The following PCSK5 variants were observed in gnomAD, a reference collection of about 807,000 sequenced individuals.
The protein encoded by PCSK5 is proprotein convertase subtilisin/kexin type 5.
A neutral mutation model predicts 233.2 loss-of-function variants in PCSK5; 129 were observed. That is an observed-to-expected ratio of 0.55 (90% CI 0.48 to 0.64). The LOEUF (loss-of-function observed/expected upper bound fraction) is 0.64, where lower values mean the gene tolerates loss of function less well. Among genes scored for constraint, PCSK5 ranks in the 30% least tolerant of loss-of-function variants. The pLI, the probability that PCSK5 is intolerant of heterozygous loss-of-function variation, is 0.00. For missense variants in PCSK5, 2,076 were observed against 2,430.1 expected (o/e 0.85, Z 3.06); for synonymous variants, 825 against 879.2 (o/e 0.94, Z 1.09).
chr9:76,060,184 C>T (rs543114363), intron 5 of PCSK5, among the ~76,000 whole-genome samples: 37 of 152,172 alleles, frequency 2.4e-4, no homozygotes, highest in Non-Finnish European at 5.1e-4. Flanking sequence ...ATGTTGACTC[C>T]ATTCCATGCA....
rs34398269 is a variant in PCSK5, at chr9:76,273,576, C to CATATATAT, written c.3143-18644_3143-18637dup. On this transcript the variant is annotated intron_variant, in intron 24 of 37. Transcript: ENST00000674117. ...TTAACAAAATAGTAATATATATATA[C>CATATATAT]ATATATATATATATATATATTTGTA... 5.6e-3 allele frequency among the ~76,000 whole-genome samples: 659 copies of CATATATAT among 118,140 alleles called. 11 individuals are homozygous for CATATATAT. Among genetic ancestry groups the CATATATAT allele is most frequent in the African/African-American group, 0.017 (573 of 32,758 alleles). 77.5% of individuals were successfully genotyped at this position (118,140 alleles called of 152,430 possible).
At chr9:76,338,599 C>G (rs1485065820) in intron 35 of PCSK5, among the ~76,000 whole-genome samples, 152 bp downstream of exon 35, 1 of 152,108 alleles carries the variant, frequency 6.6e-6, no homozygotes, top group Non-Finnish European at 1.5e-5. Context: ...GCCCTCTGTT[C>G]GCTCTTAACT....
At chr9:76,299,533 G>T (rs896008028) in intron 27 of PCSK5, among the ~76,000 whole-genome samples, 6 of 152,022 alleles carry the variant, frequency 3.9e-5, no homozygotes, top group South Asian at 2.1e-4. Context: ...TTAGCCGGGC[G>T]TGGTGGTCAG....
intron 30 of PCSK5, among the ~76,000 whole-genome samples, chr9:76,320,061 G>T (rs929415636): frequency 6.6e-6 from 1 of 152,048 alleles, no homozygotes; most frequent in Non-Finnish European, 1.5e-5. Flanking sequence ...GGCGTGCCCA[G>T]CCATTCGGGG....
chr9:76,295,246 A>G, intron 25 of PCSK5, 29 bp from the exon 26 acceptor site: 1 of 1,591,634 alleles, frequency 6.3e-7, no homozygotes, highest in Non-Finnish European at 8.6e-7. Context: ...AACATAAGTC[A>G]TGAAAGAAAT....
At chr9:76,211,242 A>G (rs1825318801) in intron 20 of PCSK5, among the ~76,000 whole-genome samples, 1 of 152,218 alleles carries the variant, frequency 6.6e-6, no homozygotes. Flanking sequence ...ATTGAATGTT[A>G]CTATCAACAT....
chr9:76,153,607 G>A (rs1479316397), intron 10 of PCSK5, among the ~76,000 whole-genome samples: 4 of 152,160 alleles, frequency 2.6e-5, no homozygotes, highest in Non-Finnish European at 4.4e-5. Context: ...GTAACCAACT[G>A]TTTGCATGGT....
chr9:75,959,376 GAGGTAGATACCCT>G (rs1825234769), intron 2 of PCSK5, among the ~76,000 whole-genome samples: 1 of 152,160 alleles, frequency 6.6e-6, no homozygotes, highest in African/African-American at 2.4e-5. Flanking sequence ...CCAGGCTGAT[GAGGTAGATACCCT>G]AGGAACCATG....
chr9:76,151,079 C>T (rs75348145), intron 10 of PCSK5, among the ~76,000 whole-genome samples: 29 of 151,430 alleles, frequency 1.9e-4, no homozygotes, highest in African/African-American at 6.5e-4. Flanking sequence ...GGAAAGCGTC[C>T]CAGGTCCTCT....
rs1021825472 is a variant in PCSK5, at chr9:76,362,220, T to C, written c.*3298T>C. On this transcript the variant is annotated 3_prime_UTR_variant, in exon 38 of 38. Coordinates refer to ENST00000674117, the MANE Select transcript of PCSK5 (RefSeq NM_001372043.1). ...ACAAAGTCACCTTTTAGTTTTCTAC[T>C]TGGAAATATTAAGAGAATCCTTGTA... 11 of 152,224 alleles carry C rather than the reference T, an allele frequency of 7.2e-5. No individual in the cohort carries two copies. Among genetic ancestry groups the C allele is most frequent in the African/African-American group, 2.7e-4 (11 of 41,460 alleles). 9.4% of individuals were successfully genotyped at this position (152,224 alleles called of 1,614,324 possible). A position where few individuals can be genotyped will look rare whatever the true frequency, so the allele number is the denominator to read the frequency against.
chr9:76,232,080 T>C (rs1223483542), intron 21 of PCSK5, among the ~76,000 whole-genome samples: 1 of 152,148 alleles, frequency 6.6e-6, no homozygotes, highest in Non-Finnish European at 1.5e-5. Flanking sequence ...CCACCCAACC[T>C]TCTTCCAAAC....
At chr9:76,127,568 C>T (rs1217794113) in intron 9 of PCSK5, among the ~76,000 whole-genome samples, 6 of 152,074 alleles carry the variant, frequency 3.9e-5, no homozygotes, top group African/African-American at 7.2e-5. Flanking sequence ...AGAAATATAC[C>T]AAGGTGTTAA....
intron 2 of PCSK5, among the ~76,000 whole-genome samples, chr9:75,967,036 G>A (rs1211931263): frequency 6.6e-6 from 1 of 151,746 alleles, no homozygotes; most frequent in Admixed American, 6.6e-5. Flanking sequence ...ATTTCCTCTT[G>A]AATCTTACTG....
intron 17 of PCSK5, among the ~76,000 whole-genome samples, chr9:76,186,872 TGAG>T (rs1324862775): frequency 2.6e-5 from 4 of 152,256 alleles, no homozygotes; most frequent in Admixed American, 2.0e-4. Flanking sequence ...CTCTGGCCAG[TGAG>T]GAGATCTATG....
At chr9:75,994,360 C>T (rs1237309676) in intron 3 of PCSK5, among the ~76,000 whole-genome samples, 6 of 148,172 alleles carry the variant, frequency 4.0e-5, no homozygotes, top group African/African-American at 1.3e-4. Context: ...TAGTTATCCG[C>T]CTCCCAACCT....
intron 35 of PCSK5, among the ~76,000 whole-genome samples, chr9:76,345,663 A>G (rs931085478): frequency 1.3e-5 from 2 of 151,784 alleles, no homozygotes; most frequent in African/African-American, 4.8e-5. Flanking sequence ...ACCTCGTGAT[A>G]CACCCGCCTC....
chr9:76,308,878 G>A, intron 29 of PCSK5, 150 bp downstream of exon 29: 1 of 603,110 alleles, frequency 1.7e-6, no homozygotes, highest in South Asian at 2.1e-5. Context: ...GAGACACACA[G>A]GGACCCAAAC....
At chr9:76,294,749 C>A (rs951986362) in intron 25 of PCSK5, among the ~76,000 whole-genome samples, 2 of 152,092 alleles carry the variant, frequency 1.3e-5, no homozygotes, top group African/African-American at 2.4e-5. Flanking sequence ...AGCCTTCTCC[C>A]AGCTGCCCTG....
At chr9:76,046,174 T>TG (rs1829375448) in intron 5 of PCSK5, among the ~76,000 whole-genome samples, 16 of 109,692 alleles carry the variant, frequency 1.5e-4, no homozygotes, top group Admixed American at 5.6e-4. Context: ...TTTTTTTTTT[T>TG]TTTTTTTTTT....
Sources: gnomAD v4.1 joint callset for allele counts (sites outside exome capture counted in the v4.1 genomes callset) on GRCh38, gnomAD v4.1.1 for gene constraint, MANE v1.5 for transcripts, NCBI Gene and HGNC (gene_info 2026-07-23, HGNC 2026-07-21) for gene names.